The following THAP8 variants were observed in gnomAD, a reference collection of about 807,000 sequenced individuals.
THAP8 encodes the protein THAP domain containing 8, also known as THAP domain-containing protein 8.
A neutral mutation model predicts 25.0 loss-of-function variants in THAP8; 24 were observed. The ratio of observed to expected loss-of-function variants is 0.96; its 90% CI spans 0.69 to 1.35. The LOEUF is 1.35. Among genes scored for constraint, THAP8 ranks in the 40% most tolerant of loss-of-function variants. The pLI is 0.00. For missense variants in THAP8, 399 were observed against 368.8 expected (o/e 1.08, Z -0.67); for synonymous variants, 169 against 157.6 (o/e 1.07, Z -0.54).
chr19:36,045,296 T>A lies in THAP8; in HGVS notation c.84-5160A>T, dbSNP rs184535175. On this transcript the variant is annotated intron_variant, in intron 1 of 3. Transcript: ENST00000292894. Reference sequence around the variant, plus strand: ...TTTATTTATTTATTTAGAGACAGGGTTTTGCTCTGTCACCCAGGTTGGAGT... The same window carrying A: ...TTTATTTATTTATTTAGAGACAGGGATTTGCTCTGTCACCCAGGTTGGAGT... 3.9e-3 allele frequency among the ~76,000 whole-genome samples: 595 copies of A among 151,872 alleles called. 3 individuals carry two copies. Among genetic ancestry groups the A allele is most frequent in the African/African-American group, 0.014 (571 of 41,348 alleles).
chr19:36,053,819 T>A (rs557151369), intron 1 of THAP8, among the ~76,000 whole-genome samples: 1 of 152,154 alleles, frequency 6.6e-6, no homozygotes. Context: ...GAGTTTCAGA[T>A]GGCTCAAATG....
At chr19:36,051,098 A>G (rs1021119125) in intron 1 of THAP8, among the ~76,000 whole-genome samples, 1 of 152,224 alleles carries the variant, frequency 6.6e-6, no homozygotes, top group Non-Finnish European at 1.5e-5. Context: ...AGAGAAAAAT[A>G]AAGCAGGAGA....
intron 1 of THAP8, 123 bp from the exon 2 acceptor site, chr19:36,040,259 C>T (rs368616286): frequency 1.0e-6 from 1 of 1,003,682 alleles, no homozygotes; most frequent in Non-Finnish European, 1.4e-6. Context: ...AGGAAGTAGA[C>T]CTGTCTTGTG....
In THAP8 at chr19:36,054,168, A is replaced by C; in HGVS notation, c.50T>G (p.Leu17Arg). Residue 17 changes from leucine (L) to arginine (R), a missense_variant, in exon 1 of 4, where the codon CTG becomes CGG. By Grantham distance (102) the Leu-to-Arg change is moderately radical (BLOSUM62 -2). Transcript: ENST00000292894. ...APNCSNTAGR[L>R]GADNRPVSFY... ...GCTCACAGGGCGGTTGTCTGCACCC[A>C]GGCGGCCCGCAGTGTTGGAGCAGTT... is the stretch of plus-strand genomic sequence containing the variant. 2.5e-6 allele frequency: 4 copies of C among 1,613,952 alleles called. No homozygotes were observed. Among genetic ancestry groups the C allele is most frequent in the Non-Finnish European group, 3.4e-6 (4 of 1,179,942 alleles).
In THAP8 at chr19:36,039,447, C is replaced by T. The variant is rs768986722; in HGVS notation, c.548G>A (p.Arg183Gln). The T allele has an allele frequency of 1.2e-4, 185 of 1,595,044 alleles. No individual in the cohort carries two copies. Among genetic ancestry groups the T allele is most frequent in the Admixed American group, 6.7e-4 (39 of 57,892 alleles). ...LGPVLGALQR[R>Q]VRRLQRCQER... is the part of the protein sequence containing the mutation. Reference sequence around the variant, plus strand: ...CTGGCACCGTTGCAGCCTCCGCACCCGGCGTTGCAGTGCTCCCAGCACTGG... The same window carrying T: ...CTGGCACCGTTGCAGCCTCCGCACCTGGCGTTGCAGTGCTCCCAGCACTGG... Residue 183 changes from arginine (R) to glutamine (Q), a missense_variant, in exon 3 of 4, where the codon CGG (arginine) becomes CAG (glutamine). By Grantham distance (43) the Arg-to-Gln change is conservative (BLOSUM62 1). Transcript: ENST00000292894.
intron 1 of THAP8, chr19:36,045,706 CAGAAA>C: frequency 2.2e-6 from 1 of 456,036 alleles, no homozygotes; most frequent in Non-Finnish European, 4.4e-6. Context: ...TATATTACCA[CAGAAA>C]AGAAGAGAGG....
At chr19:36,038,435 T>C (rs1969556043) in intron 3 of THAP8, among the ~76,000 whole-genome samples, 1 of 152,018 alleles carries the variant, frequency 6.6e-6, no homozygotes, top group Admixed American at 6.6e-5. Context: ...TTTTGTGTTT[T>C]AGTGAGACAG....
At chr19:36,051,496 G>C (rs1005395380) in intron 1 of THAP8, among the ~76,000 whole-genome samples, 5 of 152,166 alleles carry the variant, frequency 3.3e-5, no homozygotes, top group African/African-American at 9.7e-5. Context: ...GACGGTGGGA[G>C]CAGGGAGACC....
At chr19:36,038,149 C>T (rs753956898) in intron 3 of THAP8, among the ~76,000 whole-genome samples, 2 of 151,920 alleles carry the variant, frequency 1.3e-5, no homozygotes, top group Non-Finnish European at 2.9e-5. Flanking sequence ...CTCTATGTTA[C>T]CCAGGCTGGT....
At chr19:36,043,373 G>C (rs561038484) in intron 1 of THAP8, among the ~76,000 whole-genome samples, 1 of 152,300 alleles carries the variant, frequency 6.6e-6, no homozygotes, top group East Asian at 1.9e-4. Context: ...ACAGACAGTG[G>C]AATGGTGGTT....
chr19:36,044,378 A>T (rs951292091), intron 1 of THAP8, among the ~76,000 whole-genome samples: 1 of 151,762 alleles, frequency 6.6e-6, no homozygotes, highest in African/African-American at 2.4e-5. Flanking sequence ...TTTACATCAC[A>T]ATTGAAAATG....
chr19:36,045,933 G>A (rs577090495), intron 1 of THAP8: 2 of 455,236 alleles, frequency 4.4e-6, no homozygotes, highest in African/African-American at 2.0e-5. Flanking sequence ...CTTGTTTTAA[G>A]CCACCAAGTT....
Position 36,053,015 on chromosome 19 carries a change from G to A in THAP8, c.83+1120C>T, listed in dbSNP as rs373145520. Reference sequence around the variant, plus strand: ...AGGCAGGAGGACTGCTTGTGCCCAGGAGTTTGAGACTAGACTGGACAACAT... The same window carrying A: ...AGGCAGGAGGACTGCTTGTGCCCAGAAGTTTGAGACTAGACTGGACAACAT... On this transcript the variant is annotated intron_variant, in intron 1 of 3. Transcript: ENST00000292894. Among the ~76,000 whole-genome samples, 12 of 152,216 alleles carry A rather than the reference G, an allele frequency of 7.9e-5. No individual in the cohort carries two copies. In the East Asian group the frequency reaches 1.4e-3, roughly 17 times the overall value.
At chr19:36,036,271 A>ATTTT (rs1272063246) in intron 3 of THAP8, among the ~76,000 whole-genome samples, 1 of 79,714 alleles carries the variant, frequency 1.3e-5, no homozygotes, top group Non-Finnish European at 2.2e-5. Flanking sequence ...GAAAGACCAG[A>ATTTT]CTTTTTTTTT....
At chr19:36,038,774 C>G (rs540319239) in intron 3 of THAP8, among the ~76,000 whole-genome samples, 1 of 151,690 alleles carries the variant, frequency 6.6e-6, no homozygotes, top group South Asian at 2.1e-4. Context: ...TCGCTTGAAC[C>G]TGGGAGGCAG....
intron 3 of THAP8, 127 bp downstream of exon 3, chr19:36,039,196 A>T: frequency 7.6e-7 from 1 of 1,322,416 alleles, no homozygotes; most frequent in Non-Finnish European, 9.8e-7. Context: ...AGCCCGGGAA[A>T]GCCAGAAATT....
At chr19:36,054,723 C>A (rs928635927), upstream of THAP8, 1 of 597,862 alleles carries the variant, frequency 1.7e-6, no homozygotes, top group African/African-American at 1.9e-5. Context: ...GGATGAAAGA[C>A]CCCATGACGC....
In THAP8 at chr19:36,035,695, C is replaced by T. The variant is rs1435009507; in HGVS notation, c.673-103G>A. On this transcript the variant is annotated intron_variant, in intron 3 of 3. Transcript: ENST00000292894. ...CAGGGAGGCAAAGGTGGCAGGAGGG[C>T]GTGTCAGGAAACAGAGAGAGATGTG... 8.1e-6 allele frequency: 11 copies of T among 1,350,996 alleles called. No individual in the cohort carries two copies. In the East Asian group the frequency reaches 1.7e-4, roughly 20 times the overall value. The allele number at this position is 1,350,996 out of a possible 1,614,324, so 83.7% of individuals were successfully genotyped here.
chr19:36,049,913 G>T (rs1486527207), intron 1 of THAP8, among the ~76,000 whole-genome samples: 4 of 152,074 alleles, frequency 2.6e-5, no homozygotes, highest in Non-Finnish European at 5.9e-5. Flanking sequence ...AATTGGCTGG[G>T]TGTGGTGGTG....
Sources: gnomAD v4.1 joint callset for allele counts (sites outside exome capture counted in the v4.1 genomes callset) on GRCh38, gnomAD v4.1.1 for gene constraint, MANE v1.5 for transcripts, NCBI Gene and HGNC (gene_info 2026-07-23, HGNC 2026-07-21) for gene names.